Variants in CUX1 observed in about 807,000 individuals in gnomAD.
CUX1 encodes protein CASP.
A neutral mutation model predicts 158.8 loss-of-function variants in CUX1; 31 were observed. The ratio of observed to expected loss-of-function variants is 0.20; its 90% CI spans 0.15 to 0.26. The LOEUF is 0.26. Ranked by LOEUF, CUX1 falls within the 10% of genes least tolerant of loss-of-function variation. The pLI, the probability that CUX1 is intolerant of heterozygous loss-of-function variation, is 1.00. For missense variants in CUX1, 1,589 were observed against 2,014.6 expected (o/e 0.79, Z 4.04); for synonymous variants, 879 against 862.1 (o/e 1.02, Z -0.34).
At chr7:101,846,323 CTTT>C (rs34213913) in intron 1 of CUX1, among the ~76,000 whole-genome samples, 2 of 145,454 alleles carry the variant, frequency 1.4e-5, no homozygotes, top group Non-Finnish European at 1.5e-5. Context: ...AATGCAACTC[CTTT>C]TTTTTTTTTT....
At chr7:102,125,800 A>G (rs1563278314) in intron 8 of CUX1, 1 of 151,114 alleles carries the variant, frequency 6.6e-6, no homozygotes, top group Non-Finnish European at 1.5e-5. Context: ...AGTCTCAGCC[A>G]GTCCTGCTGT....
chr7:102,203,165 C>G (rs533407677), intron 18 of CUX1, among the ~76,000 whole-genome samples: 179 of 152,274 alleles, frequency 1.2e-3, no homozygotes, highest in African/African-American at 4.0e-3. Context: ...CAGGGTTTCA[C>G]CATGTTGGCC....
chr7:101,884,326 C>T (rs1800010443), intron 1 of CUX1, among the ~76,000 whole-genome samples: 1 of 152,190 alleles, frequency 6.6e-6, no homozygotes, highest in Admixed American at 6.5e-5. Context: ...AGCCTACAGT[C>T]TTATTGATAA....
At chr7:102,034,344 A>G (rs1293620376) in intron 3 of CUX1, among the ~76,000 whole-genome samples, 6 of 152,118 alleles carry the variant, frequency 3.9e-5, no homozygotes, top group African/African-American at 1.4e-4. Flanking sequence ...AGTTATATGA[A>G]AAGATTTTGA....
At chr7:102,202,254 T>G (rs782665552) in intron 18 of CUX1, 50 bp downstream of exon 18, 2 of 1,544,506 alleles carry the variant, frequency 1.3e-6, no homozygotes, top group Non-Finnish European at 1.7e-6. Context: ...TTCTCCTTGC[T>G]GAGGACCAAG....
chr7:101,859,643 A>G (rs1165965767), intron 1 of CUX1, among the ~76,000 whole-genome samples: 1 of 152,194 alleles, frequency 6.6e-6, no homozygotes, highest in Middle Eastern at 3.2e-3. Context: ...TGCTGATTTA[A>G]TGATCTCATA....
intron 2 of CUX1, among the ~76,000 whole-genome samples, chr7:101,955,178 A>G (rs944149959): frequency 5.3e-5 from 8 of 151,824 alleles, no homozygotes; most frequent in African/African-American, 1.9e-4. Flanking sequence ...AAAAAAAAAA[A>G]TGCAGGTTCA....
chr7:101,873,686 C>T (rs973673602), intron 1 of CUX1, among the ~76,000 whole-genome samples: 1 of 152,064 alleles, frequency 6.6e-6, no homozygotes, highest in Non-Finnish European at 1.5e-5. Flanking sequence ...CGAGTTCAAG[C>T]GATTCTCCTG....
At chr7:102,027,726 G>T (rs891133858) in intron 2 of CUX1, among the ~76,000 whole-genome samples, 1 of 152,096 alleles carries the variant, frequency 6.6e-6, no homozygotes, top group Non-Finnish European at 1.5e-5. Context: ...ACCAGGCATG[G>T]TGGCGTACGC....
chr7:101,849,912 ATTTTTTTTTTT>A (rs71106570), intron 1 of CUX1, among the ~76,000 whole-genome samples: 5 of 124,304 alleles, frequency 4.0e-5, no homozygotes, highest in South Asian at 2.6e-4. Context: ...GTCTCATGCA[ATTTTTTTTTTT>A]TTTTTTTTTT....
intron 4 of CUX1, among the ~76,000 whole-genome samples, chr7:102,083,391 C>T (rs1431953980): frequency 6.8e-6 from 1 of 147,236 alleles, no homozygotes; most frequent in Non-Finnish European, 1.5e-5. Flanking sequence ...ACTACAGCCT[C>T]AGTCTTCCAG....
chr7:101,853,801 C>T (rs1444647670), intron 1 of CUX1, among the ~76,000 whole-genome samples: 1 of 152,148 alleles, frequency 6.6e-6, no homozygotes, highest in East Asian at 1.9e-4. Context: ...AGTCTGACCA[C>T]CTGTCTTCTA....
chr7:102,093,674 A>G (rs1382009976), intron 4 of CUX1, among the ~76,000 whole-genome samples: 8 of 152,200 alleles, frequency 5.3e-5, no homozygotes, highest in African/African-American at 1.7e-4. Context: ...GGTGCTGAAT[A>G]TGTACAGTAT....
At chr7:102,270,057 C>T (rs193142122) in intron 14 of CUX1, among the ~76,000 whole-genome samples, 24 of 152,358 alleles carry the variant, frequency 1.6e-4, no homozygotes, top group Non-Finnish European at 3.1e-4. Context: ...AGCTCTCTCT[C>T]CAGCTCCTTC....
At chr7:101,976,435 G>A (rs1373800098) in intron 2 of CUX1, among the ~76,000 whole-genome samples, 2 of 152,178 alleles carry the variant, frequency 1.3e-5, no homozygotes, top group Non-Finnish European at 2.9e-5. Flanking sequence ...GATGGGAAAT[G>A]TGAACCAAAA....
Position 101,916,071 on chromosome 7 carries a change from A to T in CUX1, c.31-44A>T, listed in dbSNP as rs1311580984. 1 of 1,349,854 alleles carries T rather than the reference A, an allele frequency of 7.4e-7. No homozygotes were observed. Among genetic ancestry groups the T allele is most frequent in the East Asian group, 2.3e-5 (1 of 43,442 alleles). 83.6% of individuals were successfully genotyped at this position (1,349,854 alleles called of 1,614,324 possible). A position where few individuals can be genotyped will look rare whatever the true frequency, so the allele number is the denominator to read the frequency against. ...CAAATAGGACCCTCCTCTAGTACAC[A>T]GTGCAATTACAATCTCACTTTTCCT... On this transcript the variant is annotated intron_variant, in intron 1 of 23. Coordinates refer to ENST00000292535, the MANE Select transcript of CUX1 (RefSeq NM_181552.4). This position sits in a 1 kb window ranked among gnomAD's most constrained non-coding sequence, Gnocchi z 4.4.
intron 20 of CUX1, among the ~76,000 whole-genome samples, chr7:102,210,253 C>A (rs782686353): frequency 1.3e-5 from 2 of 152,140 alleles, no homozygotes; most frequent in Admixed American, 6.6e-5. Context: ...CCTGCCACCA[C>A]ACCCAGGTAA....
At chr7:101,978,352 G>A (rs1290243751) in intron 2 of CUX1, among the ~76,000 whole-genome samples, 7 of 152,140 alleles carry the variant, frequency 4.6e-5, no homozygotes, top group African/African-American at 1.7e-4. Context: ...CCACCCAGGG[G>A]CTGCTCAGGC....
intron 2 of CUX1, among the ~76,000 whole-genome samples, chr7:101,981,456 A>T (rs909721798): frequency 1.3e-5 from 2 of 152,242 alleles, no homozygotes; most frequent in East Asian, 1.9e-4. Flanking sequence ...TGGAATAGCC[A>T]ATTGGTGGCC....
Sources: allele counts gnomAD v4.1 joint callset (sites outside exome capture counted in the v4.1 genomes callset), GRCh38; gene constraint gnomAD v4.1.1; non-coding constraint Gnocchi (gnomAD v3.1); transcripts MANE v1.5; gene names NCBI Gene and HGNC (gene_info 2026-07-23, HGNC 2026-07-21).